The following SLC25A40 variants were observed in gnomAD, a reference collection of about 807,000 sequenced individuals.
SLC25A40 encodes the protein mitochondrial glutathione transporter SLC25A40.
In SLC25A40, 41 loss-of-function variants were observed where a neutral mutation model predicts 46.5. The ratio of observed to expected loss-of-function variants is 0.88; its 90% CI spans 0.69 to 1.14. The LOEUF (loss-of-function observed/expected upper bound fraction) is 1.14, where lower values mean the gene tolerates loss of function less well. Among genes scored for constraint, SLC25A40 ranks in the 50% most tolerant of loss-of-function variants. SLC25A40 has a pLI of 0.00. For missense variants in SLC25A40, 386 were observed against 393.6 expected (o/e 0.98, Z 0.16); for synonymous variants, 126 against 127.5 (o/e 0.99, Z 0.08).
chr7:87,838,212 G>T (rs2130994385), intron 10 of SLC25A40, among the ~76,000 whole-genome samples: 1 of 151,468 alleles, frequency 6.6e-6, no homozygotes, highest in African/African-American at 2.4e-5. Flanking sequence ...TCAATGACAA[G>T]AACTAAGTTG....
At position 87,858,625 on chromosome 7, in the gene SLC25A40, T is replaced by G. The variant is rs770754751; in HGVS notation, c.97+6A>C. On this transcript the variant is annotated splice_donor_region_variant and intron_variant, in intron 3 of 11. Coordinates refer to ENST00000341119, the MANE Select transcript of SLC25A40 (RefSeq NM_018843.4). Reference sequence around the variant, plus strand: ...TACATAATCTACATCAGTAACATAATTTTACCTATTACTGATGTCAGTATA... The same window carrying G: ...TACATAATCTACATCAGTAACATAAGTTTACCTATTACTGATGTCAGTATA... 2 of 1,486,546 alleles carry G rather than the reference T, an allele frequency of 1.3e-6. No individual in the cohort carries two copies. Among genetic ancestry groups the G allele is most frequent in the African/African-American group, 1.4e-5 (1 of 72,466 alleles). The allele number at this position is 1,486,546 out of a possible 1,614,324, so 92.1% of individuals were successfully genotyped here.
chr7:87,849,765 C>T, intron 6 of SLC25A40, 116 bp downstream of exon 6: 2 of 711,242 alleles, frequency 2.8e-6, no homozygotes. Context: ...AAAAACAATA[C>T]CTCAGAAAAT....
At chr7:87,865,778 A>G (rs965675934) in intron 1 of SLC25A40, among the ~76,000 whole-genome samples, 25 of 142,868 alleles carry the variant, frequency 1.7e-4, no homozygotes, top group South Asian at 4.4e-4. Context: ...TCTCGGGGGG[A>G]AAAAAAAAGA....
rs1322774457 is a variant in SLC25A40, at chr7:87,854,235, T to A, written c.233A>T (p.Tyr78Phe). 1 of 1,612,798 alleles carries A rather than the reference T, an allele frequency of 6.2e-7. No homozygotes were observed. The highest frequency in any genetic ancestry group is 8.5e-7 in the Non-Finnish European group (1 of 1,179,078). The change falls in exon 5 of 12, where the codon TAT (tyrosine) becomes TTT (phenylalanine). Residue 78 changes from tyrosine (Y) to phenylalanine (F), a missense_variant. By Grantham distance (22) the Tyr-to-Phe change is conservative. Coordinates refer to ENST00000341119, the MANE Select transcript of SLC25A40 (RefSeq NM_018843.4). ...TCCCTGGAAATTTCCTGGCTTCTTA[T>A]ACCATAGTTTGTTGCCTCCCTCTTC... ...VCEEGGNKLW[Y>F]KKPGNFQGTL... is the part of the protein sequence containing the mutation.
At chr7:87,863,025 T>C (rs1838732169) in intron 1 of SLC25A40, among the ~76,000 whole-genome samples, 1 of 152,210 alleles carries the variant, frequency 6.6e-6, no homozygotes, top group Non-Finnish European at 1.5e-5. Flanking sequence ...CTGTATCACC[T>C]TCCCCTGGCC....
chr7:87,864,806 T>C (rs2131018513), intron 1 of SLC25A40, among the ~76,000 whole-genome samples: 1 of 152,336 alleles, frequency 6.6e-6, no homozygotes, highest in South Asian at 2.1e-4. Flanking sequence ...TCTATTTCTA[T>C]TCTGTGTTAG....
Position 87,835,114 on chromosome 7 carries a change from TC to T in SLC25A40, c.*1134del, listed in dbSNP as rs747553121. ...AAAATATATATATATAGGATATAGA[TC>T]CTAAGAAAATAAAACTAAAGTATAA... On this transcript the variant is annotated 3_prime_UTR_variant, in exon 12 of 12. Transcript: ENST00000341119. 6.6e-5 allele frequency: 10 copies of T among 151,448 alleles called. No individual in the cohort carries two copies. The South Asian group carries it at 1.5e-3, about 22-fold the overall frequency. The allele number at this position is 151,448 out of a possible 1,614,324, so 9.4% of individuals were successfully genotyped here.
chr7:87,836,758 A>G lies in SLC25A40; in HGVS notation c.876T>C (p.Ala292=). Residue 292 remains alanine, a synonymous_variant, in exon 11 of 12, where the codon GCT becomes GCC. Transcript: ENST00000341119. ...AAAATAATCCGGAAAATCCATTTTT[A>G]GCAACAATGTTCTTCATTATAATCC... ...STWIIMKNIV[A]KNGFSGLFSG... 1 of 1,550,276 alleles carries G rather than the reference A, an allele frequency of 6.5e-7. No homozygotes were observed. Among genetic ancestry groups the G allele is most frequent in the Non-Finnish European group, 8.7e-7 (1 of 1,152,506 alleles).
intron 10 of SLC25A40, among the ~76,000 whole-genome samples, chr7:87,840,111 T>C (rs540312004): frequency 6.6e-6 from 1 of 151,930 alleles, no homozygotes; most frequent in African/African-American, 2.4e-5. Context: ...TTACCAATGA[T>C]AATCATGGAA....
rs1584319365 is a variant in SLC25A40, at chr7:87,834,287, A to C, written c.*1962T>G. 6.6e-6 allele frequency: 1 copy of C among 151,848 alleles called. No homozygotes were observed. Among genetic ancestry groups the C allele is most frequent in the Middle Eastern group, 3.2e-3 (1 of 316 alleles). 9.4% of individuals were successfully genotyped at this position (151,848 alleles called of 1,614,324 possible). On this transcript the variant is annotated 3_prime_UTR_variant, in exon 12 of 12. Transcript: ENST00000341119. The stretch of plus-strand genomic sequence containing the variant: ...ACTCTGAGAGCAAATTAAAATTTTA[A>C]AATTTTACCTATTCCATAGACTGAA...
chr7:87,847,812 CTA>C (rs776560091), intron 7 of SLC25A40, 39 bp downstream of exon 7: 1 of 1,578,284 alleles, frequency 6.3e-7, no homozygotes, highest in Non-Finnish European at 8.6e-7. Context: ...AACAGAAGCT[CTA>C]AACAGAAATC....
rs114451645 is a variant in SLC25A40, at chr7:87,840,817, G to T, written c.823+816C>A. 2.2e-3 allele frequency among the ~76,000 whole-genome samples: 334 copies of T among 151,904 alleles called. 1 individual carries two copies. The highest frequency in any genetic ancestry group is 7.3e-3 in the African/African-American group (303 of 41,534). On this transcript the variant is annotated intron_variant, in intron 10 of 11. Coordinates refer to ENST00000341119, the MANE Select transcript of SLC25A40 (RefSeq NM_018843.4). ...ACAAGGATGTCACCAACATCCATCA[G>T]ATTCATTTGTAGAGGTTTGTAACCA...
At chr7:87,837,496 T>C (rs1209121151) in intron 10 of SLC25A40, among the ~76,000 whole-genome samples, 1 of 151,248 alleles carries the variant, frequency 6.6e-6, no homozygotes, top group African/African-American at 2.4e-5. Context: ...GGGTTTATTT[T>C]AGCTAATAAT....
At position 87,876,359 on chromosome 7, in the gene SLC25A40, A is replaced by C. The variant is rs1206958515; in HGVS notation, c.-357T>G. The C allele has an allele frequency of 5.1e-6, 1 of 197,252 alleles. No individual in the cohort carries two copies. The highest frequency in any genetic ancestry group is 1.0e-5 in the Non-Finnish European group (1 of 99,168). The allele number at this position is 197,252 out of a possible 1,614,324, so 12.2% of individuals were successfully genotyped here. Reference sequence around the variant, plus strand: ...AGGGCCAGAGCGAGGCGCGAGAAGGACGGCGGCGTGAGGGGGCGGGGCGCG... The same window carrying C: ...AGGGCCAGAGCGAGGCGCGAGAAGGCCGGCGGCGTGAGGGGGCGGGGCGCG... On this transcript the variant is annotated 5_prime_UTR_variant, in exon 1 of 12. Transcript: ENST00000341119.
intron 5 of SLC25A40, among the ~76,000 whole-genome samples, chr7:87,851,253 T>G (rs1446334492): frequency 1.3e-5 from 2 of 151,982 alleles, no homozygotes; most frequent in South Asian, 2.1e-4. Flanking sequence ...ATAAAAGAAA[T>G]AAAATACTGA....
rs1838237272 is a variant in SLC25A40 at position 87,834,995 on chromosome 7, C to A, written c.*1254G>T. The A allele has an allele frequency of 6.6e-6, 1 of 151,200 alleles. No individual in the cohort carries two copies. Among genetic ancestry groups the A allele is most frequent in the African/African-American group, 2.4e-5 (1 of 41,252 alleles). The allele number at this position is 151,200 out of a possible 1,614,324, so 9.4% of individuals were successfully genotyped here. A position where few individuals can be genotyped will look rare whatever the true frequency, so the allele number is the denominator to read the frequency against. Reference sequence around the variant, plus strand: ...AAATCAATTAGTTCCTCTACCAGCACTAAAGACTTGTCATCTAAATATATT... The same window carrying A: ...AAATCAATTAGTTCCTCTACCAGCAATAAAGACTTGTCATCTAAATATATT... On this transcript the variant is annotated 3_prime_UTR_variant, in exon 12 of 12. Coordinates refer to ENST00000341119, the MANE Select transcript of SLC25A40 (RefSeq NM_018843.4).
At chr7:87,849,551 T>C (rs1052565505) in intron 6 of SLC25A40, among the ~76,000 whole-genome samples, 3 of 152,222 alleles carry the variant, frequency 2.0e-5, no homozygotes, top group African/African-American at 7.2e-5. Context: ...AGCTCACTGA[T>C]AGAAGGATAA....
intron 1 of SLC25A40, among the ~76,000 whole-genome samples, chr7:87,864,188 G>C (rs1260231173): frequency 6.6e-6 from 1 of 152,184 alleles, no homozygotes; most frequent in Non-Finnish European, 1.5e-5. Flanking sequence ...CTGAATTGCT[G>C]TCTCTCTCCC....
rs771500180 is a variant in SLC25A40 at position 87,848,019 on chromosome 7, G to T, written c.333-42C>A. ...AAAGATTTGTTCAAAATTATCAAAA[G>T]ATCCCACATAGTCTTAACTTAAATT... On this transcript the variant is annotated intron_variant, in intron 6 of 11. Coordinates refer to ENST00000341119, the MANE Select transcript of SLC25A40 (RefSeq NM_018843.4). 3.8e-6 allele frequency: 6 copies of T among 1,578,154 alleles called. No individual in the cohort carries two copies. In the Admixed American group the frequency reaches 9.8e-5, roughly 26 times the overall value.
Sources: allele counts gnomAD v4.1 joint callset (sites outside exome capture counted in the v4.1 genomes callset), GRCh38; gene constraint gnomAD v4.1.1; transcripts MANE v1.5; gene names NCBI Gene and HGNC (gene_info 2026-07-23, HGNC 2026-07-21).